Variants in CAPZB observed in about 807,000 individuals in gnomAD.
The protein encoded by CAPZB is F-actin-capping protein subunit beta.
A neutral mutation model predicts 38.1 loss-of-function variants in CAPZB; 2 were observed. The observed-to-expected ratio is 0.05, with a 90% CI of 0.02 to 0.17. The LOEUF is 0.17. Among genes scored for constraint, CAPZB ranks in the 10% least tolerant of loss-of-function variants. CAPZB has a pLI of 1.00. For missense variants in CAPZB, 161 were observed against 334.2 expected, an observed-to-expected ratio of 0.48 and a Z score of 4.04; for synonymous variants, 107 against 127.4, an observed-to-expected ratio of 0.84 and a Z score of 1.08.
At chr1:19,345,084 C>G in intron 7 of CAPZB, 103 bp downstream of exon 7, 1 of 884,756 alleles carries the variant, frequency 1.1e-6, no homozygotes, top group East Asian at 2.4e-5. Flanking sequence ...TGCGGTGGAG[C>G]TGAGAGAAAG....
rs148707599 is a variant in CAPZB at position 19,382,307 on chromosome 1, A to T, written c.215+3198T>A. Among the ~76,000 whole-genome samples, 271 of 152,332 alleles carry T rather than the reference A, an allele frequency of 1.8e-3. 3 individuals carry two copies. Among genetic ancestry groups the T allele is most frequent in the African/African-American group, 6.2e-3 (259 of 41,570 alleles). Reference sequence around the variant, plus strand: ...CCAGAATATTCTTAGTGGAAGGGGCACTCAGAACACACTTAAGAGCTTAAA... The same window carrying T: ...CCAGAATATTCTTAGTGGAAGGGGCTCTCAGAACACACTTAAGAGCTTAAA... On this transcript the variant is annotated intron_variant, in intron 3 of 8. Transcript: ENST00000264202.
chr1:19,379,100 CTT>C (rs371398074), intron 3 of CAPZB, among the ~76,000 whole-genome samples: 116 of 138,240 alleles, frequency 8.4e-4, no homozygotes, highest in Middle Eastern at 3.8e-3. Flanking sequence ...TTTTTTCTTT[CTT>C]TTTTTTTTTT....
At chr1:19,386,258 C>A (rs1041332794) in intron 2 of CAPZB, among the ~76,000 whole-genome samples, 2 of 152,226 alleles carry the variant, frequency 1.3e-5, no homozygotes, top group African/African-American at 4.8e-5. Flanking sequence ...CGGTCGGGGG[C>A]TGGCAGGACT....
chr1:19,457,589 T>C (rs932998757), intron 1 of CAPZB, among the ~76,000 whole-genome samples: 1 of 152,118 alleles, frequency 6.6e-6, no homozygotes, highest in African/African-American at 2.4e-5. Context: ...AGTGAAGACA[T>C]ACAAGTGAAA....
Position 19,393,721 on chromosome 1 carries a change from C to T in CAPZB, c.94-8095G>A, listed in dbSNP as rs76088946. Reference sequence around the variant, plus strand: ...GCTTTTTCCCCCAAGTGCCCGGTCACGGCAGACCCAAGGTGCCTGGGGTCG... The same window carrying T: ...GCTTTTTCCCCCAAGTGCCCGGTCATGGCAGACCCAAGGTGCCTGGGGTCG... On this transcript the variant is annotated intron_variant, in intron 2 of 8. Coordinates refer to ENST00000264202, the MANE Select transcript of CAPZB (RefSeq NM_004930.5). Among the ~76,000 whole-genome samples, 1,469 of 152,366 alleles carry T rather than the reference C, an allele frequency of 9.6e-3. 62 individuals are homozygous for T. The East Asian group carries it at 0.13, about 13-fold the overall frequency.
chr1:19,418,599 A>C (rs1363772682), intron 2 of CAPZB, among the ~76,000 whole-genome samples: 1 of 152,128 alleles, frequency 6.6e-6, no homozygotes. Flanking sequence ...GCAGGTTCCC[A>C]ACTCCCTCCA....
chr1:19,340,404 G>A (rs2093921525), intron 8 of CAPZB, among the ~76,000 whole-genome samples: 2 of 152,246 alleles, frequency 1.3e-5, no homozygotes, highest in South Asian at 2.1e-4. Context: ...CAGGGCGACC[G>A]CATTCACGTA....
intron 8 of CAPZB, among the ~76,000 whole-genome samples, chr1:19,342,016 C>T (rs1057159252): frequency 6.6e-6 from 1 of 152,250 alleles, no homozygotes; most frequent in African/African-American, 2.4e-5. Context: ...ATGCTGCCTC[C>T]TTCCCTACAT....
intron 4 of CAPZB, chr1:19,374,544 T>C (rs1037714849): frequency 6.6e-6 from 1 of 152,302 alleles, no homozygotes; most frequent in East Asian, 1.9e-4. Flanking sequence ...TAGCTTGAAG[T>C]GTGTGGTCTG....
At chr1:19,391,904 C>A (rs546176915) in intron 2 of CAPZB, among the ~76,000 whole-genome samples, 29 of 152,298 alleles carry the variant, frequency 1.9e-4, no homozygotes, top group African/African-American at 6.3e-4. Context: ...AAGGGTAGGC[C>A]AGGCATGGTG....
At chr1:19,423,437 G>T (rs1265023702) in intron 1 of CAPZB, among the ~76,000 whole-genome samples, 1 of 151,996 alleles carries the variant, frequency 6.6e-6, no homozygotes, top group African/African-American at 2.4e-5. Flanking sequence ...GGGGACAGAG[G>T]GAGGGGGCTA....
intron 1 of CAPZB, among the ~76,000 whole-genome samples, chr1:19,444,612 C>T (rs2094490198): frequency 6.6e-6 from 1 of 152,204 alleles, no homozygotes; most frequent in Non-Finnish European, 1.5e-5. Context: ...CACCTCATGC[C>T]TGAAACTGAC....
chr1:19,407,368 A>G (rs2100410562), intron 2 of CAPZB, among the ~76,000 whole-genome samples: 1 of 152,282 alleles, frequency 6.6e-6, no homozygotes, highest in East Asian at 1.9e-4. Flanking sequence ...CCAGAGATAC[A>G]GAACAGAGGC....
At chr1:19,401,694 C>T (rs1335289723) in intron 2 of CAPZB, among the ~76,000 whole-genome samples, 8 of 152,192 alleles carry the variant, frequency 5.3e-5, no homozygotes, top group African/African-American at 1.9e-4. Flanking sequence ...GAGGACTAAA[C>T]AACCCCTTTA....
intron 1 of CAPZB, among the ~76,000 whole-genome samples, chr1:19,459,865 C>T (rs965963418): frequency 2.0e-5 from 3 of 152,150 alleles, no homozygotes; most frequent in Non-Finnish European, 4.4e-5. Context: ...AGTGAATCCA[C>T]TGTCTACACC....
intron 2 of CAPZB, among the ~76,000 whole-genome samples, chr1:19,418,267 A>G (rs1233352440): frequency 1.3e-5 from 2 of 152,004 alleles, no homozygotes; most frequent in African/African-American, 4.8e-5. Flanking sequence ...CAACAGGGCA[A>G]CAAGCACCAG....
intron 2 of CAPZB, among the ~76,000 whole-genome samples, chr1:19,392,738 C>T (rs1325733161): frequency 6.6e-6 from 1 of 152,086 alleles, no homozygotes; most frequent in Admixed American, 6.5e-5. Context: ...CTGCAGTGAG[C>T]CGTGTTTGCA....
chr1:19,347,514 C>T (rs2093968517), intron 6 of CAPZB, among the ~76,000 whole-genome samples: 1 of 152,208 alleles, frequency 6.6e-6, no homozygotes, highest in African/African-American at 2.4e-5. Flanking sequence ...CACACCTGGT[C>T]AGGGTCAGCT....
chr1:19,408,893 G>C (rs929039108), intron 2 of CAPZB, among the ~76,000 whole-genome samples: 16 of 152,132 alleles, frequency 1.1e-4, no homozygotes, highest in African/African-American at 3.4e-4. Flanking sequence ...GAAGCAGCAG[G>C]AAGTTTCCTG....
Sources: allele counts gnomAD v4.1 joint callset (sites outside exome capture counted in the v4.1 genomes callset), GRCh38; gene constraint gnomAD v4.1.1; transcripts MANE v1.5; gene names NCBI Gene and HGNC (gene_info 2026-07-23, HGNC 2026-07-21).